The following CSMD1 variants were observed in gnomAD, a reference collection of about 807,000 sequenced individuals.
CSMD1 encodes CUB and sushi domain-containing protein 1.
In CSMD1, 213 loss-of-function variants were observed where a neutral mutation model predicts 417.5. The observed-to-expected ratio is 0.51, with a 90% CI of 0.46 to 0.57. The LOEUF (loss-of-function observed/expected upper bound fraction) is 0.57, where lower values mean the gene tolerates loss of function less well. CSMD1 is among the 20% of genes least tolerant of loss of function. CSMD1 has a pLI of 0.00. For synonymous variants in CSMD1, 2,862 were observed against 1,736.8 expected (o/e 1.65, Z -16.11); for missense variants, 6,923 against 4,529.7 (o/e 1.53, Z -15.17).
intron 50 of CSMD1, among the ~76,000 whole-genome samples, chr8:3,048,598 C>A (rs117057325): frequency 6.6e-6 from 1 of 152,138 alleles, no homozygotes; most frequent in Admixed American, 6.5e-5. Flanking sequence ...ATGTATCACA[C>A]ACCCACATAT....
intron 3 of CSMD1, among the ~76,000 whole-genome samples, chr8:4,357,319 A>G (rs1801487707): frequency 6.6e-6 from 1 of 152,232 alleles, no homozygotes; most frequent in South Asian, 2.1e-4. Context: ...TCCTCCTGAT[A>G]TCATGCCTGT....
intron 1 of CSMD1, among the ~76,000 whole-genome samples, chr8:4,667,313 T>C (rs932687470): frequency 2.3e-4 from 35 of 152,274 alleles, no homozygotes; most frequent in African/African-American, 8.4e-4. Flanking sequence ...TGCTTCTTTC[T>C]TAAAATTGTC....
chr8:3,315,937 G>C (rs566725168), intron 23 of CSMD1, among the ~76,000 whole-genome samples: 1 of 152,104 alleles, frequency 6.6e-6, no homozygotes, highest in South Asian at 2.1e-4. Context: ...CTTTGATCTT[G>C]TGCAGAGCTT....
At chr8:4,664,519 C>T (rs190614543) in intron 1 of CSMD1, among the ~76,000 whole-genome samples, 2 of 152,208 alleles carry the variant, frequency 1.3e-5, no homozygotes, top group African/African-American at 4.8e-5. Flanking sequence ...CGTGATCATA[C>T]CACTGCATTC....
intron 49 of CSMD1, among the ~76,000 whole-genome samples, chr8:3,066,337 G>A (rs1403901688): frequency 6.6e-6 from 1 of 152,278 alleles, no homozygotes; most frequent in African/African-American, 2.4e-5. Context: ...TCTATTTGAA[G>A]CTCAACATGG....
In CSMD1 at chr8:4,435,781, A is replaced by G. The variant is rs566821267; in HGVS notation, c.303-15716T>C. 2.6e-5 allele frequency among the ~76,000 whole-genome samples: 4 copies of G among 152,294 alleles called. No homozygotes were observed. In the East Asian group the frequency reaches 7.7e-4, roughly 29 times the overall value. ...AAAAGTACCATACCTTTGACAGCTAAACAAGACAATAGAAGACAGACCGTG... is the reference window on the plus strand; with the variant it reads ...AAAAGTACCATACCTTTGACAGCTAGACAAGACAATAGAAGACAGACCGTG... On this transcript the variant is annotated intron_variant, in intron 2 of 69. Coordinates refer to ENST00000635120, the MANE Select transcript of CSMD1 (RefSeq NM_033225.6).
At chr8:3,715,963 T>G (rs1801807163) in intron 6 of CSMD1, among the ~76,000 whole-genome samples, 1 of 152,240 alleles carries the variant, frequency 6.6e-6, no homozygotes, top group African/African-American at 2.4e-5. Context: ...ACCCCTCAGA[T>G]GAACGGTTCT....
chr8:3,007,822 G>C (rs1167846162), intron 52 of CSMD1, among the ~76,000 whole-genome samples: 6 of 150,888 alleles, frequency 4.0e-5, no homozygotes, highest in African/African-American at 9.8e-5. Context: ...CCTAATGCTA[G>C]ATGACGAGTT....
intron 29 of CSMD1, among the ~76,000 whole-genome samples, chr8:3,215,506 A>C (rs1484549749): frequency 6.6e-6 from 1 of 152,218 alleles, no homozygotes; most frequent in East Asian, 1.9e-4. Flanking sequence ...AACTCAAGGA[A>C]AGTTAAGTCA....
At chr8:3,926,629 G>T (rs1366391907) in intron 5 of CSMD1, among the ~76,000 whole-genome samples, 1 of 148,578 alleles carries the variant, frequency 6.7e-6, no homozygotes, top group Non-Finnish European at 1.5e-5. Context: ...TTTATGAAAA[G>T]CATATTATTA....
At chr8:3,171,058 A>G (rs1820553015) in intron 37 of CSMD1, among the ~76,000 whole-genome samples, 1 of 152,250 alleles carries the variant, frequency 6.6e-6, no homozygotes, top group Non-Finnish European at 1.5e-5. Flanking sequence ...AAAAAAGTCA[A>G]GGACAGAAAG....
intron 1 of CSMD1, among the ~76,000 whole-genome samples, chr8:4,659,081 T>C (rs1004979494): frequency 6.6e-6 from 1 of 152,012 alleles, no homozygotes; most frequent in African/African-American, 2.4e-5. Context: ...ACTTCACAAA[T>C]ACATACAAAT....
intron 62 of CSMD1, among the ~76,000 whole-genome samples, chr8:2,959,608 A>T (rs1160842204): frequency 6.6e-6 from 1 of 152,114 alleles, no homozygotes; most frequent in Non-Finnish European, 1.5e-5. Flanking sequence ...ATTATCATAC[A>T]CTAACCCTGG....
At chr8:3,124,944 G>T (rs577069499) in intron 41 of CSMD1, among the ~76,000 whole-genome samples, 8 of 152,154 alleles carry the variant, frequency 5.3e-5, no homozygotes, top group Non-Finnish European at 8.8e-5. Flanking sequence ...CTAAGTAAGA[G>T]CATCAGTTAC....
At chr8:3,533,073 T>G (rs1396839492) in intron 10 of CSMD1, among the ~76,000 whole-genome samples, 1 of 152,214 alleles carries the variant, frequency 6.6e-6, no homozygotes, top group African/African-American at 2.4e-5. Flanking sequence ...AGCTCGTAAT[T>G]CATCCAATGT....
intron 1 of CSMD1, among the ~76,000 whole-genome samples, chr8:4,898,946 T>C (rs1349094035): frequency 2.6e-5 from 4 of 152,206 alleles, no homozygotes; most frequent in African/African-American, 9.7e-5. Context: ...ATTCTGAGAT[T>C]ACAGTTATAA....
At chr8:4,400,745 G>C (rs1198127468) in intron 3 of CSMD1, among the ~76,000 whole-genome samples, 1 of 148,364 alleles carries the variant, frequency 6.7e-6, no homozygotes, top group Non-Finnish European at 1.5e-5. Context: ...CTCTCTAATA[G>C]AGTGCATACA....
chr8:3,182,578 C>CTGTGTGTGTG lies in CSMD1; in HGVS notation c.5621-1374_5621-1365dup, dbSNP rs35090952. On this transcript the variant is annotated intron_variant, in intron 36 of 69. Coordinates refer to ENST00000635120, the MANE Select transcript of CSMD1 (RefSeq NM_033225.6). Reference sequence around the variant, plus strand: ...ACTCTGGCTGTCTTTTTATAAGAAGCTGTGTGTGTGTGTGTGTGTGTGTGT... The same window carrying CTGTGTGTGTG: ...ACTCTGGCTGTCTTTTTATAAGAAGCTGTGTGTGTGTGTGTGTGTGTGTGTGTGTGTGTGT... Among the ~76,000 whole-genome samples the CTGTGTGTGTG allele has an allele frequency of 1.4e-3, 131 of 94,166 alleles. 1 individual carries two copies. Among genetic ancestry groups the CTGTGTGTGTG allele is most frequent in the Non-Finnish European group, 1.9e-3 (99 of 50,912 alleles). 61.8% of individuals were successfully genotyped at this position (94,166 alleles called of 152,430 possible).
chr8:4,295,568 C>G (rs1357962646), intron 3 of CSMD1, among the ~76,000 whole-genome samples: 3 of 142,722 alleles, frequency 2.1e-5, no homozygotes, highest in Non-Finnish European at 3.0e-5. Flanking sequence ...TATATGTCAT[C>G]TTTTTAAGGG....
Sources: gnomAD v4.1 joint callset for allele counts (sites outside exome capture counted in the v4.1 genomes callset) on GRCh38, gnomAD v4.1.1 for gene constraint, MANE v1.5 for transcripts, NCBI Gene and HGNC (gene_info 2026-07-23, HGNC 2026-07-21) for gene names.